RBM47: variants seen among roughly 807,000 people sequenced by gnomAD.
RBM47 encodes RNA-binding protein 47.
A neutral mutation model predicts 47.1 loss-of-function variants in RBM47; 21 were observed. The observed-to-expected ratio is 0.45, with a 90% CI of 0.32 to 0.64. The LOEUF (loss-of-function observed/expected upper bound fraction) is 0.64. Ranked by LOEUF, RBM47 falls within the 30% of genes least tolerant of loss-of-function variation. The pLI is 0.05. For synonymous variants in RBM47, 375 were observed against 361.7 expected (o/e 1.04, Z -0.42); for missense variants, 708 against 870.9 (o/e 0.81, Z 2.35).
intron 1 of RBM47, among the ~76,000 whole-genome samples, chr4:40,560,887 A>T (rs950442755): frequency 2.0e-5 from 3 of 151,970 alleles, no homozygotes; most frequent in African/African-American, 7.2e-5. Context: ...AATCACTTGC[A>T]CACAGAAGTG....
chr4:40,437,617 A>G (rs1021162377), intron 4 of RBM47, among the ~76,000 whole-genome samples, 154 bp downstream of exon 4: 10 of 152,140 alleles, frequency 6.6e-5, no homozygotes. Flanking sequence ...CGGTGCCAGG[A>G]AAGAATTAGA....
At position 40,507,621 on chromosome 4, in the gene RBM47, T is replaced by C. The variant is rs1204129298; in HGVS notation, c.-155+36801A>G. ...GGCCAAGATGGTGAAACCCCGTCTC[T>C]ACTAAAAATACAAAAATTAGCCGGG... On this transcript the variant is annotated intron_variant, in intron 2 of 6. Transcript: ENST00000295971. Among the ~76,000 whole-genome samples the C allele has an allele frequency of 3.3e-5, 5 of 152,232 alleles. No homozygotes were observed. The East Asian group carries it at 7.7e-4, about 24-fold the overall frequency.
At chr4:40,542,747 G>A (rs1230974794) in intron 2 of RBM47, 2 of 152,144 alleles carry the variant, frequency 1.3e-5, no homozygotes. Context: ...ATGTTGCCCA[G>A]GTTGGTCTTG....
intron 1 of RBM47, among the ~76,000 whole-genome samples, chr4:40,592,973 ATATATAT>A (rs1734363776): frequency 5.6e-5 from 1 of 17,984 alleles, no homozygotes; most frequent in African/African-American, 2.6e-4. Context: ...ATATATATAT[ATATATAT>A]TTTTTTTTTT....
chr4:40,553,987 G>T (rs1047433913), intron 1 of RBM47, among the ~76,000 whole-genome samples: 1 of 152,150 alleles, frequency 6.6e-6, no homozygotes, highest in Non-Finnish European at 1.5e-5. Context: ...CAAGTGCAGA[G>T]AGGTTACCTG....
At chr4:40,473,558 A>T (rs1380280115) in intron 2 of RBM47, among the ~76,000 whole-genome samples, 1 of 152,258 alleles carries the variant, frequency 6.6e-6, no homozygotes, top group Non-Finnish European at 1.5e-5. Flanking sequence ...AGCTTTAAAC[A>T]GTAAATGATA....
chr4:40,552,578 T>C (rs80252789), intron 1 of RBM47, among the ~76,000 whole-genome samples: 3,034 of 152,308 alleles, frequency 0.02, 89 homozygotes, highest in African/African-American at 0.069. Context: ...ATCCACATTC[T>C]GATAGATCAA....
At chr4:40,566,347 C>T (rs969297808) in intron 1 of RBM47, among the ~76,000 whole-genome samples, 15 of 151,998 alleles carry the variant, frequency 9.9e-5, no homozygotes, top group African/African-American at 2.9e-4. Context: ...AGGCCAACAT[C>T]GTTAAGAGTT....
At chr4:40,474,377 C>T (rs1381142008) in intron 2 of RBM47, among the ~76,000 whole-genome samples, 2 of 152,116 alleles carry the variant, frequency 1.3e-5, no homozygotes, top group Non-Finnish European at 2.9e-5. Context: ...CCCACAGAGT[C>T]ATCCAGAGTA....
intron 1 of RBM47, among the ~76,000 whole-genome samples, chr4:40,578,059 GAAAATCAAAATGGAGTCACCCAGGCT>G (rs1343603711): frequency 6.6e-6 from 1 of 152,184 alleles, no homozygotes; most frequent in Non-Finnish European, 1.5e-5. Context: ...AGACCAGACT[GAAAATCAAAATGGAGTCACCCAGGCT>G]AAAGTTCCAC....
chr4:40,608,241 C>T (rs981584557), intron 1 of RBM47, among the ~76,000 whole-genome samples: 4 of 152,170 alleles, frequency 2.6e-5, no homozygotes, highest in African/African-American at 9.7e-5. Context: ...TTCAATATCA[C>T]ATGCCATGTT....
rs367927651 is a variant in RBM47, at chr4:40,540,638, C to CAAA, written c.-155+3781_-155+3783dup. On this transcript the variant is annotated intron_variant, in intron 2 of 6. Transcript: ENST00000295971. ...AGGTAACAGGAGTGAAACTCTGTCT[C>CAAA]AAAAAAAAAAAAAAATAATAATAAT... Among the ~76,000 whole-genome samples, 229 of 106,866 alleles carry CAAA rather than the reference C, an allele frequency of 2.1e-3. 1 individual carries two copies. The highest frequency in any genetic ancestry group is 4.6e-3 in the African/African-American group (116 of 25,082). 70.1% of individuals were successfully genotyped at this position (106,866 alleles called of 152,430 possible).
intron 2 of RBM47, among the ~76,000 whole-genome samples, chr4:40,530,164 G>C (rs141187089): frequency 6.6e-6 from 1 of 151,774 alleles, no homozygotes; most frequent in Admixed American, 6.6e-5. Context: ...TGGAACTCCC[G>C]ACCTCAGGTG....
chr4:40,595,186 A>T (rs2154276063), intron 1 of RBM47, among the ~76,000 whole-genome samples: 1 of 152,296 alleles, frequency 6.6e-6, no homozygotes, highest in East Asian at 1.9e-4. Context: ...GGGAAGGGGG[A>T]ATAGCCATCA....
chr4:40,458,406 T>C (rs1342552440), intron 3 of RBM47, among the ~76,000 whole-genome samples: 1 of 152,236 alleles, frequency 6.6e-6, no homozygotes, highest in African/African-American at 2.4e-5. Flanking sequence ...TGATGTCATG[T>C]TCATTGACCA....
In RBM47 at chr4:40,436,579, G is replaced by A; in HGVS notation, c.1192C>T (p.Leu398Phe). Residue 398 changes from leucine (L) to phenylalanine (F), a missense_variant, in exon 5 of 7, where the codon CTC becomes TTC. Transcript: ENST00000295971. ...CCACGACCAGCAGAATATCCCCCGAGGTAGGAACCCCTAGGCCCTGGGGCT... is the reference window on the plus strand; with the variant it reads ...CCACGACCAGCAGAATATCCCCCGAAGTAGGAACCCCTAGGCCCTGGGGCT... ...NRAPGPRGSY[L>F]GGYSAGRGIY... 6.2e-7 allele frequency: 1 copy of A among 1,614,178 alleles called. No individual in the cohort carries two copies. The highest frequency in any genetic ancestry group is 8.5e-7 in the Non-Finnish European group (1 of 1,180,044).
intron 1 of RBM47, among the ~76,000 whole-genome samples, chr4:40,572,055 A>G (rs147960523): frequency 6.8e-6 from 1 of 147,132 alleles, no homozygotes; most frequent in Non-Finnish European, 1.5e-5. Flanking sequence ...TATCCATGCA[A>G]CTAAACACCA....
chr4:40,569,449 G>A (rs1006583234), intron 1 of RBM47, among the ~76,000 whole-genome samples: 23 of 147,022 alleles, frequency 1.6e-4, no homozygotes, highest in Middle Eastern at 3.5e-3. Flanking sequence ...TGGCTCTGTC[G>A]CCCAGGCTGG....
intron 2 of RBM47, among the ~76,000 whole-genome samples, chr4:40,537,236 C>T (rs933934871): frequency 6.6e-6 from 1 of 151,750 alleles, no homozygotes; most frequent in Non-Finnish European, 1.5e-5. Flanking sequence ...CTCAGCCTCA[C>T]AAGTAGCTGG....
Sources: allele counts gnomAD v4.1 joint callset (sites outside exome capture counted in the v4.1 genomes callset), GRCh38; gene constraint gnomAD v4.1.1; transcripts MANE v1.5; gene names NCBI Gene and HGNC (gene_info 2026-07-23, HGNC 2026-07-21).